The following MYO7B variants were observed in gnomAD, a reference collection of about 807,000 sequenced individuals.
MYO7B encodes unconventional myosin-VIIb.
MYO7B carries 212 observed loss-of-function variants against 259.7 expected under a neutral mutation model. The ratio of observed to expected loss-of-function variants is 0.82; its 90% CI spans 0.73 to 0.91. MYO7B has a LOEUF of 0.91. Ranked by LOEUF, MYO7B falls within the 40% of genes least tolerant of loss-of-function variation. The pLI, the probability that MYO7B is intolerant of heterozygous loss-of-function variation, is 0.00. For missense variants in MYO7B, 2,732 were observed against 2,813.5 expected, an observed-to-expected ratio of 0.97 and a Z score of 0.66; for synonymous variants, 1,197 against 1,166.4, an observed-to-expected ratio of 1.03 and a Z score of -0.54.
In MYO7B at chr2:127,625,544, G is replaced by T; in HGVS notation, c.4215+9G>T. ...CTGCCGCCTGCGCCAAGGTCAGCCTGCATGCAGCTCAGGCACCCACCCGAG... is the reference window on the plus strand; with the variant it reads ...CTGCCGCCTGCGCCAAGGTCAGCCTTCATGCAGCTCAGGCACCCACCCGAG... On this transcript the variant is annotated intron_variant, in intron 31 of 47. Coordinates refer to ENST00000409816, the MANE Select transcript of MYO7B (RefSeq NM_001393586.1). 1.3e-6 allele frequency: 2 copies of T among 1,589,932 alleles called. No homozygotes were observed. The highest frequency in any genetic ancestry group is 2.3e-5 in the South Asian group (2 of 88,484).
Position 127,559,392 on chromosome 2 carries a change from T to A in MYO7B, c.-23-308T>A, listed in dbSNP as rs1677972861. ...GATGTGTGACGGTGACTGGTTTTCA[T>A]GGATATCTGACCAGTTAAAATTGGG... On this transcript the variant is annotated intron_variant, in intron 1 of 47. Coordinates refer to ENST00000409816, the MANE Select transcript of MYO7B (RefSeq NM_001393586.1). The surrounding 1 kb of genome is among the most constrained non-coding windows in gnomAD (Gnocchi z 4.1). Among the ~76,000 whole-genome samples the A allele has an allele frequency of 6.6e-6, 1 of 152,210 alleles. No homozygotes were observed. Among genetic ancestry groups the A allele is most frequent in the Non-Finnish European group, 1.5e-5 (1 of 68,032 alleles).
At position 127,627,470 on chromosome 2, in the gene MYO7B, G is replaced by GC. The variant is rs550362313; in HGVS notation, c.4460+164dup. The GC allele has an allele frequency of 4.7e-3, 4,699 of 997,134 alleles. 23 individuals carry two copies. The highest frequency in any genetic ancestry group is 6.3e-3 in the Non-Finnish European group (4,171 of 659,358). The allele number at this position is 997,134 out of a possible 1,614,324, so 61.8% of individuals were successfully genotyped here. A position where few individuals can be genotyped will look rare whatever the true frequency, so the allele number is the denominator to read the frequency against. On this transcript the variant is annotated intron_variant, in intron 33 of 47. Transcript: ENST00000409816. This position sits in a 1 kb window ranked among gnomAD's most constrained non-coding sequence, Gnocchi z 5.6. ...TATGCGATGGCTTCTGTACTTCGGA[G>GC]CCCCACCCTCCTGCACCAGGCCGTA...
intron 6 of MYO7B, 122 bp from the exon 7 acceptor site, chr2:127,573,798 C>T: frequency 7.7e-7 from 1 of 1,297,518 alleles, no homozygotes; most frequent in East Asian, 2.4e-5. Context: ...TCTGGTGCAG[C>T]CGTGCCCATT....
At chr2:127,562,479 A>ATTTT (rs1678136797) in intron 2 of MYO7B, among the ~76,000 whole-genome samples, 1 of 59,862 alleles carries the variant, frequency 1.7e-5, no homozygotes, top group Admixed American at 1.7e-4. Context: ...GTGGGGTTTT[A>ATTTT]TTGTTTTTTT....
At chr2:127,581,862 T>G in intron 10 of MYO7B, 29 bp from the exon 11 acceptor site, 2 of 1,612,206 alleles carry the variant, frequency 1.2e-6, no homozygotes, top group Middle Eastern at 3.3e-4. Context: ...GCTCCACAGG[T>G]GCGACGCAGC....
chr2:127,607,278 C>T lies in MYO7B; in HGVS notation c.2497C>T (p.Arg833Trp), dbSNP rs756017010. Residue 833 changes from arginine (R) to tryptophan (W), a missense_variant, in exon 21 of 48, where the codon CGG becomes TGG. Arg to Trp is a moderately radical substitution (Grantham distance 101, BLOSUM62 -3). Transcript: ENST00000409816. This position sits in a 1 kb window ranked among gnomAD's most constrained non-coding sequence, Gnocchi z 4.4. The part of the protein sequence containing the change: ...QPLARQYQAM[R>W]QRTVQLQALC... Reference sequence around the variant, plus strand: ...GCTGGCGAGGCAGTACCAGGCCATGCGGCAGAGGACAGTCCAGCTGCAGGC... The same window carrying T: ...GCTGGCGAGGCAGTACCAGGCCATGTGGCAGAGGACAGTCCAGCTGCAGGC... 25 of 1,551,132 alleles carry T rather than the reference C, an allele frequency of 1.6e-5. No homozygotes were observed. The highest frequency in any genetic ancestry group is 1.5e-4 in the African/African-American group (11 of 73,080).
At chr2:127,583,458 CTCAA>C (rs1261489323) in intron 12 of MYO7B, among the ~76,000 whole-genome samples, 1 of 152,214 alleles carries the variant, frequency 6.6e-6, no homozygotes, top group South Asian at 2.1e-4. Context: ...GCATAGAGAG[CTCAA>C]GTGTGATTCC....
intron 9 of MYO7B, among the ~76,000 whole-genome samples, chr2:127,579,711 G>A (rs1339886582): frequency 6.6e-6 from 1 of 152,122 alleles, no homozygotes; most frequent in Admixed American, 6.5e-5. Flanking sequence ...TCAGCCTCCT[G>A]AGTAGCTGGG....
chr2:127,580,619 G>T (rs926779005), intron 9 of MYO7B, 127 bp from the exon 10 acceptor site: 13 of 866,272 alleles, frequency 1.5e-5, no homozygotes, highest in Non-Finnish European at 2.4e-5. Context: ...GGGAGAGACC[G>T]TGGCTTACGC....
chr2:127,548,879 A>G (rs1280459633), intron 1 of MYO7B, among the ~76,000 whole-genome samples: 1 of 152,142 alleles, frequency 6.6e-6, no homozygotes, highest in Non-Finnish European at 1.5e-5. Context: ...CTTAATCTCT[A>G]AACATTTTGG....
chr2:127,616,653 C>T (rs982178569), intron 26 of MYO7B, among the ~76,000 whole-genome samples: 5 of 152,234 alleles, frequency 3.3e-5, no homozygotes, highest in African/African-American at 1.2e-4. Flanking sequence ...CTCCAGTTAA[C>T]GTAACGCACT....
chr2:127,610,470 G>A (rs771734029), intron 24 of MYO7B, among the ~76,000 whole-genome samples: 1 of 152,192 alleles, frequency 6.6e-6, no homozygotes, highest in Non-Finnish European at 1.5e-5. Flanking sequence ...AGTTGCAGTG[G>A]ACATGTGTAT....
intron 39 of MYO7B, 103 bp downstream of exon 39, chr2:127,632,504 C>T (rs1681578969): frequency 7.1e-7 from 1 of 1,399,686 alleles, no homozygotes; most frequent in Non-Finnish European, 9.5e-7. Context: ...CCTGGGAGGA[C>T]TCTCCAGAAG....
Position 127,627,065 on chromosome 2 carries a change from C to G in MYO7B, c.4306C>G (p.Arg1436Gly), listed in dbSNP as rs377301033. Reference sequence around the variant, plus strand: ...CCTGCAGTGGCCGCTGCTCTTCTCCCGGCTCTTCGAAGTCATCACACTCTC... The same window carrying G: ...CCTGCAGTGGCCGCTGCTCTTCTCCGGGCTCTTCGAAGTCATCACACTCTC... ...ARLQWPLLFS[R>G]LFEVITLSGP... Residue 1436 changes from arginine to glycine, a missense_variant, in exon 32 of 48, where the codon CGG (arginine) becomes GGG (glycine). Arg to Gly is a moderately radical substitution (Grantham distance 125). Around this residue, in one of 3 missense-constraint regions of MYO7B, gnomAD observed 1,906 missense variants for 2,026.4 expected, o/e 0.94. Transcript: ENST00000409816. This position sits in a 1 kb window ranked among gnomAD's most constrained non-coding sequence, Gnocchi z 5.6. 9 of 1,611,376 alleles carry G rather than the reference C, an allele frequency of 5.6e-6. No individual in the cohort carries two copies. Among genetic ancestry groups the G allele is most frequent in the Non-Finnish European group, 2.5e-6 (3 of 1,179,306 alleles).
At chr2:127,540,026 C>T (rs1398143439) in intron 1 of MYO7B, among the ~76,000 whole-genome samples, 1 of 152,190 alleles carries the variant, frequency 6.6e-6, no homozygotes, top group African/African-American at 2.4e-5. Context: ...CCTTTTATGG[C>T]TGAGTAGTAT....
At position 127,631,661 on chromosome 2, in the gene MYO7B, C is replaced by T. The variant is rs774279801; in HGVS notation, c.5157C>T (p.Thr1719=). 7.4e-6 allele frequency: 12 copies of T among 1,613,010 alleles called. No homozygotes were observed. The highest frequency in any genetic ancestry group is 6.6e-5 in the South Asian group (6 of 91,090). The change falls in exon 38 of 48, where the codon ACC becomes ACT. Residue 1719 remains threonine, a synonymous_variant. Coordinates refer to ENST00000409816, the MANE Select transcript of MYO7B (RefSeq NM_001393586.1). ...AGGCCTGGCCCACCCTGGAGCTCAC[C>T]GACCAGATCTTCACACTGGCCCTGC... ...SRQAWPTLEL[T]DQIFTLALQH...
At position 127,628,531 on chromosome 2, in the gene MYO7B, C is replaced by T; in HGVS notation, c.4620C>T (p.Ala1540=). The change falls in exon 34 of 48, where the codon GCC becomes GCT. Residue 1540 remains alanine, a synonymous_variant. Coordinates refer to ENST00000409816, the MANE Select transcript of MYO7B (RefSeq NM_001393586.1). The surrounding 1 kb of genome is among the most constrained non-coding windows in gnomAD (Gnocchi z 4.8). The part of the protein sequence containing the change: ...IFAMALQDRK[A]TDDTTLLAFK... ...CCATGGCCCTGCAGGACAGGAAGGCCACAGGTGCCAGACTGGGTGGGGTGG... is the reference window on the plus strand; with the variant it reads ...CCATGGCCCTGCAGGACAGGAAGGCTACAGGTGCCAGACTGGGTGGGGTGG... 4.0e-6 allele frequency: 5 copies of T among 1,265,608 alleles called. No individual in the cohort carries two copies. Among genetic ancestry groups the T allele is most frequent in the Non-Finnish European group, 5.1e-6 (5 of 984,168 alleles). 78.4% of individuals were successfully genotyped at this position (1,265,608 alleles called of 1,614,324 possible).
chr2:127,549,959 T>C (rs969786035), intron 1 of MYO7B, among the ~76,000 whole-genome samples: 3 of 152,210 alleles, frequency 2.0e-5, no homozygotes, highest in Admixed American at 2.0e-4. Flanking sequence ...CCTCCACATC[T>C]GCCAATTTTA....
chr2:127,630,703 A>G (rs1681428403), intron 35 of MYO7B, 75 bp from the exon 36 acceptor site: 1 of 1,584,928 alleles, frequency 6.3e-7, no homozygotes, highest in Admixed American at 1.8e-5. Flanking sequence ...TGAGGCTGCC[A>G]GGCCGGGAGG....
Sources: gnomAD v4.1 joint callset for allele counts (sites outside exome capture counted in the v4.1 genomes callset) on GRCh38, gnomAD v4.1.1 for gene constraint, gnomAD v4.1.1 regional missense constraint, Gnocchi (gnomAD v3.1) non-coding constraint, MANE v1.5 for transcripts, NCBI Gene and HGNC (gene_info 2026-07-23, HGNC 2026-07-21) for gene names.